SRBD1: variants seen among roughly 807,000 people sequenced by gnomAD.
SRBD1 encodes the protein S1 RNA binding domain 1, also known as S1 RNA-binding domain-containing protein 1.
In SRBD1, 88 loss-of-function variants were observed where a neutral mutation model predicts 115.3. That is an observed-to-expected ratio of 0.76 (90% confidence interval 0.64 to 0.91). The LOEUF (loss-of-function observed/expected upper bound fraction) is 0.91, where lower values mean the gene tolerates loss of function less well. Ranked by LOEUF, SRBD1 falls within the 40% of genes least tolerant of loss-of-function variation. The pLI is 0.00. For synonymous variants in SRBD1, 509 were observed against 407.7 expected (o/e 1.25, Z -2.99); for missense variants, 1,385 against 1,177.4 (o/e 1.18, Z -2.58).
At chr2:45,553,871 GC>G in intron 10 of SRBD1, 141 bp from the exon 11 acceptor site, 1 of 449,750 alleles carries the variant, frequency 2.2e-6, no homozygotes, top group Non-Finnish European at 4.1e-6. Context: ...GTGAGGAAAG[GC>G]TGTGGTATCT....
At chr2:45,554,752 A>ATT (rs1009095450) in intron 10 of SRBD1, among the ~76,000 whole-genome samples, 2 of 152,212 alleles carry the variant, frequency 1.3e-5, no homozygotes, top group African/African-American at 2.4e-5. Context: ...CACATTCAGC[A>ATT]TTAATCATGA....
chr2:45,605,903 CAAA>C (rs574003489), intron 1 of SRBD1, among the ~76,000 whole-genome samples: 3 of 63,864 alleles, frequency 4.7e-5, no homozygotes, highest in Non-Finnish European at 3.2e-5. Flanking sequence ...GACTCGGTCT[CAAA>C]AAAAAAAAAA....
intron 19 of SRBD1, among the ~76,000 whole-genome samples, chr2:45,408,430 C>T (rs56813148): frequency 1.9e-3 from 294 of 152,296 alleles, no homozygotes; most frequent in African/African-American, 6.8e-3. Flanking sequence ...TGGACTGCAA[C>T]AGAAGAAATT....
chr2:45,550,187 A>G (rs545110994), intron 12 of SRBD1, among the ~76,000 whole-genome samples: 1 of 152,260 alleles, frequency 6.6e-6, no homozygotes, highest in East Asian at 1.9e-4. Flanking sequence ...AGGATAGAGG[A>G]TTAATTAACT....
intron 16 of SRBD1, among the ~76,000 whole-genome samples, chr2:45,429,759 C>CTATTCAACATAGTAT (rs1192521749): frequency 6.6e-6 from 1 of 152,328 alleles, no homozygotes; most frequent in African/African-American, 2.4e-5. Flanking sequence ...CTCACCACTC[C>CTATTCAACATAGTAT]TATTCAACAT....
chr2:45,433,680 T>C (rs1309415603), intron 16 of SRBD1, among the ~76,000 whole-genome samples: 1 of 152,336 alleles, frequency 6.6e-6, no homozygotes, highest in South Asian at 2.1e-4. Context: ...ACAAGAGGTC[T>C]TTATATACTC....
Position 45,418,496 on chromosome 2 carries a change from T to C in SRBD1, c.2202A>G (p.Glu734=), listed in dbSNP as rs549869758. The C allele has an allele frequency of 3.1e-6, 5 of 1,613,878 alleles. No individual in the cohort carries two copies. In the South Asian group the frequency reaches 4.4e-5, roughly 14 times the overall value. The change falls in exon 18 of 21, where the codon GAA becomes GAG. Residue 734 remains glutamate, a synonymous_variant. Coordinates refer to ENST00000263736, the MANE Select transcript of SRBD1 (RefSeq NM_018079.5). ...TAAAGGGTCCATTTTTCTCTCGCCA[T>C]TCAATAATATTTTTGGCCCTGTTGG... ...LNANRAKNII[E]WREKNGPFIN...
chr2:45,389,394 GC>G lies in SRBD1; in HGVS notation c.2903del (p.Gly968AlafsTer37). The stretch of plus-strand genomic sequence containing the variant: ...CTTGGACTTCCACTCTTTCTCCGGG[GC>G]CCAGTCCAAGGCTTCTTCTCTTCTT... Reference protein sequence around the residue: ...KTKKRRSLGLGPGERVEVQVL... With the variant: ...KTKKRRSLGLXPGERVEVQVL... On this transcript the variant is annotated frameshift_variant, in exon 21 of 21. Transcript: ENST00000263736. LOFTEE classifies it high-confidence loss of function. 6.2e-7 allele frequency: 1 copy of G among 1,614,022 alleles called. No individual in the cohort carries two copies. The highest frequency in any genetic ancestry group is 1.1e-5 in the South Asian group (1 of 91,076).
chr2:45,415,778 G>C (rs545053798), intron 18 of SRBD1, among the ~76,000 whole-genome samples: 658 of 26,734 alleles, frequency 0.025, 144 homozygotes, highest in Non-Finnish European at 0.053. Flanking sequence ...GGAGAGGAGA[G>C]GAGAGGAGAG....
At chr2:45,531,197 C>A (rs1671601536) in intron 14 of SRBD1, among the ~76,000 whole-genome samples, 1 of 151,720 alleles carries the variant, frequency 6.6e-6, no homozygotes, top group South Asian at 2.1e-4. Flanking sequence ...GTTTCTTATC[C>A]TTTACAGGCC....
chr2:45,536,831 C>G (rs1671778109), intron 14 of SRBD1, among the ~76,000 whole-genome samples: 1 of 152,144 alleles, frequency 6.6e-6, no homozygotes, highest in Non-Finnish European at 1.5e-5. Flanking sequence ...TCAGTAAAGA[C>G]TCTTGCGGGC....
At chr2:45,418,586 A>C (rs971315363) in intron 17 of SRBD1, 45 bp from the exon 18 acceptor site, 2 of 1,566,294 alleles carry the variant, frequency 1.3e-6, no homozygotes, top group Non-Finnish European at 1.7e-6. Flanking sequence ...TCTCATCTGA[A>C]AAGACAATGA....
intron 9 of SRBD1, among the ~76,000 whole-genome samples, chr2:45,565,555 CCT>C (rs1444424861): frequency 2.6e-5 from 4 of 152,050 alleles, no homozygotes; most frequent in Non-Finnish European, 5.9e-5. Flanking sequence ...ATTTTTATGA[CCT>C]CAAGTCATAA....
At chr2:45,499,650 T>C (rs1670564633) in intron 14 of SRBD1, among the ~76,000 whole-genome samples, 1 of 152,196 alleles carries the variant, frequency 6.6e-6, no homozygotes, top group South Asian at 2.1e-4. Flanking sequence ...AAGTCTTTAA[T>C]CCATTTTTAG....
At chr2:45,451,211 T>C (rs1293758055) in intron 16 of SRBD1, among the ~76,000 whole-genome samples, 1 of 152,110 alleles carries the variant, frequency 6.6e-6, no homozygotes, top group East Asian at 1.9e-4. Flanking sequence ...ACTATTTTTT[T>C]TAATTGCACT....
chr2:45,581,802 G>A lies in SRBD1; in HGVS notation c.824C>T (p.Ala275Val), dbSNP rs1673373880. Residue 275 changes from alanine to valine, a missense_variant, in exon 6 of 21, where the codon GCA (alanine) becomes GTA (valine). Ala to Val is a moderately conservative substitution (Grantham distance 64, BLOSUM62 0). Transcript: ENST00000263736. ...CTGGATTGTACTATGAACTTTCTTT[G>A]CAACAGCCCTGAAAAGAGAAACTTT... Reference protein sequence around the residue: ...QQTLEELRAVAKKVHSTIQKI... With the variant: ...QQTLEELRAVVKKVHSTIQKI... 6.2e-7 allele frequency: 1 copy of A among 1,610,546 alleles called. No homozygotes were observed. The highest frequency in any genetic ancestry group is 1.7e-5 in the Admixed American group (1 of 59,426).
At chr2:45,604,884 A>T (rs1674217319) in intron 2 of SRBD1, among the ~76,000 whole-genome samples, 1 of 152,224 alleles carries the variant, frequency 6.6e-6, no homozygotes, top group Admixed American at 6.5e-5. Context: ...TCTAAAGCAG[A>T]GATTCTCAAC....
At chr2:45,497,870 A>G (rs1424103411) in intron 14 of SRBD1, among the ~76,000 whole-genome samples, 2 of 152,114 alleles carry the variant, frequency 1.3e-5, no homozygotes, top group Middle Eastern at 3.2e-3. Flanking sequence ...CCCTGTCTCT[A>G]CTAAAAATAC....
chr2:45,403,931 C>A (rs2103837295), intron 19 of SRBD1, among the ~76,000 whole-genome samples: 1 of 152,176 alleles, frequency 6.6e-6, no homozygotes, highest in African/African-American at 2.4e-5. Context: ...TGATTTTATG[C>A]ATCATTTAGA....
Sources: allele counts gnomAD v4.1 joint callset (sites outside exome capture counted in the v4.1 genomes callset), GRCh38; gene constraint gnomAD v4.1.1; transcripts MANE v1.5; gene names NCBI Gene and HGNC (gene_info 2026-07-23, HGNC 2026-07-21).